SLC28A1: variants seen among roughly 807,000 people sequenced by gnomAD.
The protein encoded by SLC28A1 is solute carrier family 28 member 1, also known as sodium/nucleoside cotransporter 1.
In SLC28A1, 64 loss-of-function variants were observed where a neutral mutation model predicts 74.8. The observed-to-expected ratio is 0.86, with a 90% CI of 0.70 to 1.05. The LOEUF is 1.05. Ranked by LOEUF, SLC28A1 falls within the 50% of genes least tolerant of loss-of-function variation. The pLI is 0.00. For synonymous variants in SLC28A1, 359 were observed against 335.0 expected, an observed-to-expected ratio of 1.07 and a Z score of -0.78; for missense variants, 828 against 822.8, an observed-to-expected ratio of 1.01 and a Z score of -0.08.
At chr15:84,906,401 G>A (rs117836942) in intron 8 of SLC28A1, among the ~76,000 whole-genome samples, 1 of 151,998 alleles carries the variant, frequency 6.6e-6, no homozygotes, top group East Asian at 1.9e-4. Context: ...CTGCAGCGTT[G>A]ACATCCTGGG....
At position 84,937,576 on chromosome 15, in the gene SLC28A1, T is replaced by C. The variant is rs751481458; in HGVS notation, c.1581+2058T>C. Among the ~76,000 whole-genome samples the C allele has an allele frequency of 2.2e-4, 33 of 152,214 alleles. 2 individuals are homozygous for C. Among genetic ancestry groups the C allele is most frequent in the South Asian group, 2.1e-4 (1 of 4,830 alleles). Reference sequence around the variant, plus strand: ...CTTGTCTTTTTAATTATGTTTTAAATTGTAAAGGAAGGGACTCTAGGTTTT... The same window carrying C: ...CTTGTCTTTTTAATTATGTTTTAAACTGTAAAGGAAGGGACTCTAGGTTTT... On this transcript the variant is annotated intron_variant, in intron 15 of 18. Transcript: ENST00000394573.
intron 1 of SLC28A1, among the ~76,000 whole-genome samples, chr15:84,885,054 G>T (rs531765250): frequency 6.6e-6 from 1 of 152,126 alleles, no homozygotes; most frequent in Non-Finnish European, 1.5e-5. Flanking sequence ...CACCTCTCGG[G>T]TTCAAGCAAT....
chr15:84,944,992 G>C (rs140132566), intron 18 of SLC28A1, 125 bp downstream of exon 18: 1 of 1,074,272 alleles, frequency 9.3e-7, no homozygotes, highest in East Asian at 2.4e-5. Context: ...CTAATGGGGA[G>C]GTGAAGGCTC....
At chr15:84,961,184 G>A in the SLC28A1 span, among the ~76,000 whole-genome samples, 1 of 152,144 alleles carries the variant, frequency 6.6e-6, no homozygotes, top group Non-Finnish European at 1.5e-5. Context: ...GCAAGGCCGT[G>A]CTCTGAACCA....
In SLC28A1 at chr15:84,885,084, G is replaced by A. The variant is rs1258431487; in HGVS notation, c.-133+333G>A. Among the ~76,000 whole-genome samples, 4 of 151,990 alleles carry A rather than the reference G, an allele frequency of 2.6e-5. No homozygotes were observed. In the East Asian group the frequency reaches 5.8e-4, roughly 22 times the overall value. On this transcript the variant is annotated intron_variant, in intron 1 of 18. Coordinates refer to ENST00000394573, the MANE Select transcript of SLC28A1 (RefSeq NM_004213.5). ...AGCAATTCTCCTGCCTCAGCCTCCC[G>A]AGTAGCTGGGACTACAGGCACCTGC...
Position 84,903,345 on chromosome 15 carries a change from C to G in SLC28A1, c.462-752C>G, listed in dbSNP as rs567539389. Among the ~76,000 whole-genome samples the G allele has an allele frequency of 8.0e-4, 122 of 152,344 alleles. 1 individual carries two copies. The highest frequency in any genetic ancestry group is 2.8e-3 in the African/African-American group (115 of 41,560). ...AGTGGCCTTGGGCCAGTTATTTAAC[C>G]TCTCTGTGCCTCAGTTTCCTCATCT... On this transcript the variant is annotated intron_variant, in intron 6 of 18. Transcript: ENST00000394573.
At chr15:84,955,377 A>T in the SLC28A1 span, among the ~76,000 whole-genome samples, 4 of 152,354 alleles carry the variant, frequency 2.6e-5, no homozygotes, top group Non-Finnish European at 5.9e-5. Flanking sequence ...CAGCAATCAA[A>T]GATGTCTGAC....
chr15:84,964,826 T>C, the SLC28A1 span, among the ~76,000 whole-genome samples: 1 of 152,220 alleles, frequency 6.6e-6, no homozygotes, highest in South Asian at 2.1e-4. Context: ...CTTTCTATCC[T>C]GGGATTAAGC....
intron 16 of SLC28A1, 86 bp from the exon 17 acceptor site, chr15:84,944,480 A>G: frequency 1.2e-6 from 1 of 846,804 alleles, no homozygotes; most frequent in Non-Finnish European, 2.0e-6. Context: ...AGAGGAAGGG[A>G]GGTCAGCAGA....
chr15:84,899,711 T>C (rs896362), intron 6 of SLC28A1, among the ~76,000 whole-genome samples: 48,840 of 151,932 alleles, frequency 0.32, 8,523 homozygotes, highest in South Asian at 0.51. Context: ...TGAAATAATT[T>C]TTCAGACATA....
intron 6 of SLC28A1, among the ~76,000 whole-genome samples, chr15:84,900,827 A>G (rs1966594168): frequency 6.6e-6 from 1 of 151,838 alleles, no homozygotes; most frequent in African/African-American, 2.4e-5. Context: ...AAAGACAGAC[A>G]GAAAGGGAAG....
rs1440994750 is a variant in SLC28A1, at chr15:84,888,903, G to T, written c.185+43G>T. ...AGACAAGGGCGGGCCTGGGGTGGAG[G>T]CTGCTTGGGAACAGGATGGGGAGCC... On this transcript the variant is annotated intron_variant, in intron 4 of 18. Transcript: ENST00000394573. 1.8e-5 allele frequency: 26 copies of T among 1,410,716 alleles called. No homozygotes were observed. In the East Asian group the frequency reaches 6.0e-4, roughly 32 times the overall value. The allele number at this position is 1,410,716 out of a possible 1,614,324, so 87.4% of individuals were successfully genotyped here.
the SLC28A1 span, among the ~76,000 whole-genome samples, chr15:84,953,555 C>T: frequency 6.6e-6 from 1 of 152,070 alleles, no homozygotes; most frequent in Non-Finnish European, 1.5e-5. Context: ...GATAGCGAGA[C>T]CTTGTCTCCA....
intron 6 of SLC28A1, chr15:84,895,449 A>G (rs762980405): frequency 1.2e-6 from 2 of 1,613,378 alleles, no homozygotes; most frequent in Non-Finnish European, 1.7e-6. Context: ...GTGTGAGACA[A>G]AAAGCCGCAG....
At chr15:84,936,881 T>C (rs1434336279) in intron 15 of SLC28A1, among the ~76,000 whole-genome samples, 1 of 152,020 alleles carries the variant, frequency 6.6e-6, no homozygotes, top group East Asian at 1.9e-4. Context: ...AATGAGCCCC[T>C]GTCTTTACTA....
At chr15:84,946,468 C>T (rs2079235308), downstream of SLC28A1, among the ~76,000 whole-genome samples, 1 of 151,926 alleles carries the variant, frequency 6.6e-6, no homozygotes, top group South Asian at 2.1e-4. Context: ...ATTATTGTCA[C>T]TAGTTGAGGA....
chr15:84,917,955 A>G (rs549291071), intron 9 of SLC28A1, among the ~76,000 whole-genome samples: 5 of 152,222 alleles, frequency 3.3e-5, no homozygotes, highest in African/African-American at 9.6e-5. Context: ...CCTGGTACTA[A>G]TAATAGGAAA....
At chr15:84,920,302 C>T (rs1041603596) in intron 10 of SLC28A1, among the ~76,000 whole-genome samples, 2 of 152,056 alleles carry the variant, frequency 1.3e-5, no homozygotes, top group Admixed American at 6.6e-5. Context: ...AAAAATTAGC[C>T]GGGCATGGTG....
intron 15 of SLC28A1, chr15:84,940,867 G>A: frequency 5.5e-6 from 1 of 180,978 alleles, no homozygotes; most frequent in Non-Finnish European, 1.2e-5. Flanking sequence ...TGGGATGCTG[G>A]AACTTCTTTT....
Sources: allele counts gnomAD v4.1 joint callset (sites outside exome capture counted in the v4.1 genomes callset), GRCh38; gene constraint gnomAD v4.1.1; transcripts MANE v1.5; gene names NCBI Gene and HGNC (gene_info 2026-07-23, HGNC 2026-07-21).